FAM3D: variants seen among roughly 807,000 people sequenced by gnomAD.
FAM3D encodes the protein FAM3 metabolism regulating signaling molecule D, also known as protein FAM3D.
A neutral mutation model predicts 29.8 loss-of-function variants in FAM3D; 26 were observed. The ratio of observed to expected loss-of-function variants is 0.87; its 90% CI spans 0.64 to 1.21. The LOEUF is 1.21. Among genes scored for constraint, FAM3D ranks in the 50% most tolerant of loss-of-function variants. The pLI is 0.00. For synonymous variants in FAM3D, 115 were observed against 102.3 expected (o/e 1.12, Z -0.75); for missense variants, 253 against 290.9 (o/e 0.87, Z 0.95).
chr3:58,643,040 A>T (rs2066377659), intron 6 of FAM3D, among the ~76,000 whole-genome samples: 1 of 152,150 alleles, frequency 6.6e-6, no homozygotes, highest in Non-Finnish European at 1.5e-5. Context: ...TTAGCTGGCC[A>T]TCAGCTCCCT....
intron 1 of FAM3D, among the ~76,000 whole-genome samples, chr3:58,660,342 C>T (rs1158103369): frequency 6.6e-6 from 1 of 152,116 alleles, no homozygotes; most frequent in Non-Finnish European, 1.5e-5. Context: ...TCTCCCATCA[C>T]CCCCAAAAGC....
At chr3:58,666,193 G>T (rs1294402184) in intron 1 of FAM3D, among the ~76,000 whole-genome samples, 2 of 152,108 alleles carry the variant, frequency 1.3e-5, no homozygotes, top group African/African-American at 4.8e-5. Flanking sequence ...ATGTTGAGGG[G>T]CCCCTGTGGT....
intron 1 of FAM3D, among the ~76,000 whole-genome samples, chr3:58,663,033 G>C (rs1041405214): frequency 6.6e-6 from 1 of 152,198 alleles, no homozygotes; most frequent in Non-Finnish European, 1.5e-5. Flanking sequence ...CCAGTAGCTG[G>C]GACTACAGGC....
intron 1 of FAM3D, among the ~76,000 whole-genome samples, chr3:58,658,286 G>A (rs2066863166): frequency 6.6e-6 from 1 of 152,206 alleles, no homozygotes; most frequent in Non-Finnish European, 1.5e-5. Flanking sequence ...TTGAATTCTT[G>A]CATCGTCCTG....
Position 58,645,555 on chromosome 3 carries a change from C to A in FAM3D, c.217G>T (p.Gly73Trp), listed in dbSNP as rs377609615. ...GTAGGGCCCACGACGTTGGCGGCCC[C>A]ACTGCAGATTTTAAACGCAAAGTAG... ...ANYFAFKICS[G>W]AANVVGPTMC... The change falls in exon 5 of 10, where the codon GGG (glycine) becomes TGG (tryptophan). Residue 73 changes from glycine (G) to tryptophan (W), a missense_variant. Physicochemically the swap from Gly to Trp is radical, Grantham distance 184. Transcript: ENST00000358781. The A allele has an allele frequency of 6.2e-7, 1 of 1,614,224 alleles. No individual in the cohort carries two copies.
intron 2 of FAM3D, among the ~76,000 whole-genome samples, chr3:58,654,446 C>A (rs1575488560): frequency 6.6e-6 from 1 of 152,326 alleles, no homozygotes; most frequent in South Asian, 2.1e-4. Context: ...TGTGCAGCTT[C>A]CAGACAAGCC....
intron 4 of FAM3D, among the ~76,000 whole-genome samples, 185 bp from the exon 5 acceptor site, chr3:58,645,811 A>G (rs138971806): frequency 0.014 from 2,125 of 152,338 alleles, 24 homozygotes; most frequent in Middle Eastern, 0.048. Context: ...CAGTGCCTCC[A>G]ACAGCCCCCA....
intron 1 of FAM3D, among the ~76,000 whole-genome samples, chr3:58,663,958 G>A (rs778382776): frequency 2.0e-5 from 3 of 152,172 alleles, no homozygotes; most frequent in Non-Finnish European, 4.4e-5. Flanking sequence ...GGCCTCCTTT[G>A]TGAGGTCCCC....
At position 58,635,211 on chromosome 3, in the gene FAM3D, G is replaced by A. The variant is rs772632782; in HGVS notation, c.586-843C>T. 5.3e-4 allele frequency among the ~76,000 whole-genome samples: 81 copies of A among 152,194 alleles called. 1 individual carries two copies. The highest frequency in any genetic ancestry group is 8.4e-4 in the Non-Finnish European group (57 of 68,006). On this transcript the variant is annotated intron_variant, in intron 9 of 9. Transcript: ENST00000358781. The surrounding 1 kb of genome is among the most constrained non-coding windows in gnomAD (Gnocchi z 5.2). The stretch of plus-strand genomic sequence containing the variant: ...TATACTAGTAATAAGTATGTAAGAA[G>A]AATAAAATCACTTAGGATTGTGTCT...
At chr3:58,643,169 T>C (rs2066381676) in intron 6 of FAM3D, among the ~76,000 whole-genome samples, 1 of 152,184 alleles carries the variant, frequency 6.6e-6, no homozygotes, top group Non-Finnish European at 1.5e-5. Flanking sequence ...ATTGAGATTG[T>C]TTGTGAGCCT....
chr3:58,660,017 C>T (rs541409394), intron 1 of FAM3D, among the ~76,000 whole-genome samples: 1 of 152,188 alleles, frequency 6.6e-6, no homozygotes, highest in Non-Finnish European at 1.5e-5. Flanking sequence ...TCTCTACCAG[C>T]AATGCTGCTT....
intron 2 of FAM3D, 104 bp downstream of exon 2, chr3:58,655,447 C>T (rs559314028): frequency 8.0e-5 from 117 of 1,458,080 alleles, no homozygotes; most frequent in African/African-American, 6.1e-4. Context: ...TCCTGGAATT[C>T]GGGCCTGACC....
chr3:58,656,313 C>G (rs934867100), intron 1 of FAM3D, among the ~76,000 whole-genome samples: 1 of 152,208 alleles, frequency 6.6e-6, no homozygotes, highest in Non-Finnish European at 1.5e-5. Context: ...TGGCTAAGTT[C>G]AGGGTTATTC....
chr3:58,656,978 A>G (rs2066822105), intron 1 of FAM3D, among the ~76,000 whole-genome samples: 1 of 152,148 alleles, frequency 6.6e-6, no homozygotes, highest in East Asian at 1.9e-4. Flanking sequence ...CAGTCCTCCC[A>G]CCACCCTGAT....
At chr3:58,640,647 A>G (rs149961204) in intron 6 of FAM3D, among the ~76,000 whole-genome samples, 45 of 152,386 alleles carry the variant, frequency 3.0e-4, no homozygotes, top group African/African-American at 1.1e-3. Flanking sequence ...TCTTGAAGGC[A>G]AAGGGATTTG....
intron 1 of FAM3D, among the ~76,000 whole-genome samples, chr3:58,663,749 T>G (rs2066976500): frequency 1.3e-5 from 2 of 152,176 alleles, no homozygotes; most frequent in Non-Finnish European, 2.9e-5. Flanking sequence ...CACCAGAACA[T>G]TCCTCCAACA....
chr3:58,657,412 G>A (rs1181090219), intron 1 of FAM3D: 1 of 152,010 alleles, frequency 6.6e-6, no homozygotes, highest in Non-Finnish European at 1.5e-5. Context: ...AGAATGAGAA[G>A]AGGGAGACAC....
Position 58,653,741 on chromosome 3 carries a change from CGT to C in FAM3D, c.52_53del (p.Thr18AspfsTer33). The part of the protein sequence containing the change: ...RLLALIFAIV[T>X]TWMFIRSYMS... ...TGTAGCTTCGAATAAACATCCATGT[CGT>C]GACTATGGCAAAGATGAGGGCCAGG... On this transcript the variant is annotated frameshift_variant, in exon 3 of 10. Transcript: ENST00000358781. LOFTEE classifies it high-confidence loss of function. 6.2e-7 allele frequency: 1 copy of C among 1,614,016 alleles called. No homozygotes were observed. The highest frequency in any genetic ancestry group is 8.5e-7 in the Non-Finnish European group (1 of 1,180,040).
In FAM3D at chr3:58,634,347, T is replaced by C. The variant is rs761492854; in HGVS notation, c.607A>G (p.Thr203Ala). 4 of 1,613,958 alleles carry C rather than the reference T, an allele frequency of 2.5e-6. No homozygotes were observed. The African/African-American group carries it at 5.3e-5, about 22-fold the overall frequency. Residue 203 changes from threonine to alanine, a missense_variant, in exon 10 of 10, where the codon ACA becomes GCA. Physicochemically the swap from Thr to Ala is moderately conservative, Grantham distance 58. Transcript: ENST00000358781. This position sits in a 1 kb window ranked among gnomAD's most constrained non-coding sequence, Gnocchi z 4.6. ...FEQFLKNSPDTNKYEGWPELL... is the reference protein window; with the variant it reads ...FEQFLKNSPDANKYEGWPELL... Reference sequence around the variant, plus strand: ...TCTGGCCATCCCTCGTATTTGTTTGTGTCTGGGCTGTTCTTTAAGAACTAG... The same window carrying C: ...TCTGGCCATCCCTCGTATTTGTTTGCGTCTGGGCTGTTCTTTAAGAACTAG...
Sources: gnomAD v4.1 joint callset for allele counts (sites outside exome capture counted in the v4.1 genomes callset) on GRCh38, gnomAD v4.1.1 for gene constraint, Gnocchi (gnomAD v3.1) non-coding constraint, MANE v1.5 for transcripts, NCBI Gene and HGNC (gene_info 2026-07-23, HGNC 2026-07-21) for gene names.